P2RX7: variants seen among roughly 807,000 people sequenced by gnomAD.
P2RX7 encodes purinergic receptor P2X 7, also known as P2X purinoceptor 7.
Under a neutral mutation model 71.6 loss-of-function variants are expected in P2RX7, and 62 were observed. The ratio of observed to expected loss-of-function variants is 0.87; its 90% confidence interval spans 0.71 to 1.07. The LOEUF is 1.07. Ranked by LOEUF, P2RX7 falls within the 50% of genes least tolerant of loss-of-function variation. The pLI, the probability that P2RX7 is intolerant of heterozygous loss-of-function variation, is 0.00. For synonymous variants in P2RX7, 299 were observed against 283.3 expected (o/e 1.06, Z -0.56); for missense variants, 686 against 748.5 (o/e 0.92, Z 0.97).
chr12:121,139,377 C>A (rs1263520837), intron 1 of P2RX7, among the ~76,000 whole-genome samples: 1 of 152,202 alleles, frequency 6.6e-6, no homozygotes, highest in African/African-American at 2.4e-5. Context: ...GAAGCTTTTC[C>A]AATGGCCACA....
At chr12:121,152,572 T>C (rs1877673164) in intron 1 of P2RX7, among the ~76,000 whole-genome samples, 1 of 152,168 alleles carries the variant, frequency 6.6e-6, no homozygotes, top group Non-Finnish European at 1.5e-5. Context: ...CAGGCTGGAG[T>C]GCAGTGGCGC....
At chr12:121,183,593 A>G (rs1170474449) in intron 12 of P2RX7, among the ~76,000 whole-genome samples, 2 of 68,514 alleles carry the variant, frequency 2.9e-5, no homozygotes, top group African/African-American at 1.2e-4. Context: ...CAACAAATAC[A>G]CACACACACA....
At chr12:121,156,285 G>A (rs1878565431) in intron 3 of P2RX7, 138 bp downstream of exon 3, 2 of 686,752 alleles carry the variant, frequency 2.9e-6, no homozygotes, top group Admixed American at 2.5e-5. Context: ...CTTTTGTGGG[G>A]TAGGGCTGGG....
intron 5 of P2RX7, among the ~76,000 whole-genome samples, chr12:121,162,986 G>A (rs1368068914): frequency 6.6e-5 from 10 of 151,660 alleles, no homozygotes; most frequent in Non-Finnish European, 1.2e-4. Context: ...AGGGGGGGAA[G>A]GAAGTTTTCT....
At chr12:121,139,583 C>T (rs1010778127) in intron 1 of P2RX7, among the ~76,000 whole-genome samples, 18 of 152,180 alleles carry the variant, frequency 1.2e-4, no homozygotes, top group Non-Finnish European at 1.2e-4. Context: ...GGCTGGACAC[C>T]TGTTTCCCAG....
At chr12:121,143,893 C>A (rs560076870) in intron 1 of P2RX7, among the ~76,000 whole-genome samples, 1 of 152,264 alleles carries the variant, frequency 6.6e-6, no homozygotes, top group South Asian at 2.1e-4. Context: ...TGAGGTATAA[C>A]TTACATATCA....
At chr12:121,143,213 C>T (rs1371689853) in intron 1 of P2RX7, among the ~76,000 whole-genome samples, 1 of 146,290 alleles carries the variant, frequency 6.8e-6, no homozygotes, top group Non-Finnish European at 1.5e-5. Context: ...GTGAAAGTCT[C>T]TCTCTACTAA....
In P2RX7 at chr12:121,187,694, C is replaced by T. The variant is rs1028826087; in HGVS notation, c.*2892C>T. ...TCAACTGTGTGTAATATGTCAGACA[C>T]GTCCTACAATAACAGGCGTCATATT... On this transcript the variant is annotated 3_prime_UTR_variant, in exon 13 of 13. Transcript: ENST00000328963. The T allele has an allele frequency of 1.1e-4, 16 of 152,150 alleles. No homozygotes were observed. The highest frequency in any genetic ancestry group is 2.1e-4 in the Non-Finnish European group (14 of 68,012). 9.4% of individuals were successfully genotyped at this position (152,150 alleles called of 1,614,324 possible). A position where few individuals can be genotyped will look rare whatever the true frequency, so the allele number is the denominator to read the frequency against.
At chr12:121,151,585 A>G (rs2136029358) in intron 1 of P2RX7, among the ~76,000 whole-genome samples, 1 of 151,818 alleles carries the variant, frequency 6.6e-6, no homozygotes, top group South Asian at 2.1e-4. Flanking sequence ...TACAGCACAT[A>G]TATGTCTACA....
intron 4 of P2RX7, chr12:121,162,189 C>T (rs1365299489): frequency 2.4e-6 from 3 of 1,275,616 alleles, no homozygotes; most frequent in African/African-American, 1.5e-5. Context: ...AAAGAGCCAG[C>T]AGAATCCACA....
intron 8 of P2RX7, among the ~76,000 whole-genome samples, chr12:121,174,101 G>A (rs554093102): frequency 9.6e-5 from 13 of 135,696 alleles, no homozygotes; most frequent in East Asian, 8.5e-4. Context: ...AGGCTAGAGC[G>A]CAGTGATACG....
intron 1 of P2RX7, among the ~76,000 whole-genome samples, chr12:121,143,890 T>A (rs1875567708): frequency 1.3e-5 from 2 of 152,166 alleles, no homozygotes; most frequent in East Asian, 1.9e-4. Context: ...TTTTGAGGTA[T>A]AACTTACATA....
In P2RX7 at chr12:121,175,341, G is replaced by C. The variant is rs76713875; in HGVS notation, c.882-47G>C. ...AAAAAAAAAAAAAACCCAAAACCCAGCACTTTCAAAGGGATCTTACAAATA... is the reference window on the plus strand; with the variant it reads ...AAAAAAAAAAAAAACCCAAAACCCACCACTTTCAAAGGGATCTTACAAATA... On this transcript the variant is annotated intron_variant, in intron 8 of 12. Transcript: ENST00000328963. 7,896 of 875,252 alleles carry C rather than the reference G, an allele frequency of 9.0e-3. 450 individuals are homozygous for C. In the African/African-American group the frequency reaches 0.13, roughly 14 times the overall value. The allele number at this position is 875,252 out of a possible 1,614,324, so 54.2% of individuals were successfully genotyped here.
intron 6 of P2RX7, 62 bp from the exon 7 acceptor site, chr12:121,165,994 GAA>G: frequency 2.6e-6 from 4 of 1,544,510 alleles, no homozygotes; most frequent in Non-Finnish European, 3.5e-6. Flanking sequence ...TCACTCCTGG[GAA>G]AGAGACAGAT....
intron 5 of P2RX7, among the ~76,000 whole-genome samples, chr12:121,163,264 T>C (rs1437525808): frequency 6.6e-6 from 1 of 151,870 alleles, no homozygotes; most frequent in Non-Finnish European, 1.5e-5. Flanking sequence ...AGGGCTGTTG[T>C]AAGGATTAAA....
intron 1 of P2RX7, among the ~76,000 whole-genome samples, chr12:121,146,209 G>C (rs1385089268): frequency 6.7e-6 from 1 of 149,578 alleles, no homozygotes; most frequent in Non-Finnish European, 1.5e-5. Context: ...TACGGGCCCT[G>C]TGCTCCCAGC....
rs762400464 is a variant in P2RX7 at position 121,160,938 on chromosome 12, G to T, written c.400G>T (p.Gly134Cys). ...CAGGACGCTCTGTTCCTCTGACCGA[G>T]GTTGTAAAAAGGGATGGATGGACCC... ...TRRTLCSSDR[G>C]CKKGWMDPQS... The change falls in exon 4 of 13, where the codon GGT becomes TGT. Residue 134 changes from glycine (G) to cysteine (C), a missense_variant. Coordinates refer to ENST00000328963, the MANE Select transcript of P2RX7 (RefSeq NM_002562.6). 6.2e-7 allele frequency: 1 copy of T among 1,614,098 alleles called. No homozygotes were observed. Among genetic ancestry groups the T allele is most frequent in the Non-Finnish European group, 8.5e-7 (1 of 1,179,956 alleles).
At chr12:121,162,977 G>C (rs962293641) in intron 5 of P2RX7, among the ~76,000 whole-genome samples, 1 of 135,896 alleles carries the variant, frequency 7.4e-6, no homozygotes, top group African/African-American at 3.0e-5. Context: ...GGGTAAAAGA[G>C]GGGGGGAAGG....
rs369603693 is a variant in P2RX7 at position 121,184,651 on chromosome 12, G to A, written c.1637G>A (p.Arg546Gln). 38 of 1,600,198 alleles carry A rather than the reference G, an allele frequency of 2.4e-5. 1 individual carries two copies. The highest frequency in any genetic ancestry group is 2.4e-4 in the South Asian group (21 of 89,172). ...GTGGATTCCACCAACAGCCGGCTGC[G>A]GCACTGTGCCTACAGGTGCTACGCC... ...LDVDSTNSRL[R>Q]HCAYRCYATW... The change falls in exon 13 of 13, where the codon CGG becomes CAG. Residue 546 changes from arginine to glutamine, a missense_variant. Transcript: ENST00000328963.
Sources: gnomAD v4.1 joint callset for allele counts (sites outside exome capture counted in the v4.1 genomes callset) on GRCh38, gnomAD v4.1.1 for gene constraint, MANE v1.5 for transcripts, NCBI Gene and HGNC (gene_info 2026-07-23, HGNC 2026-07-21) for gene names.